HMGB1: variants seen among roughly 807,000 people sequenced by gnomAD.
HMGB1 encodes the protein high mobility group box 1.
For missense variants in HMGB1, 79 were observed against 253.5 expected (o/e 0.31, Z 4.67); for synonymous variants, 81 against 84.0 (o/e 0.96, Z 0.19).
At chr13:30,553,644 T>C in intron 1 of HMGB1, 1 of 678,848 alleles carries the variant, frequency 1.5e-6, no homozygotes, top group Non-Finnish European at 2.7e-6. Flanking sequence ...CTTCCATTTC[T>C]CTTAAGATTC....
At chr13:30,484,782 GAGGAGAGA>G (rs1299747892) in intron 1 of HMGB1, among the ~76,000 whole-genome samples, 1 of 151,722 alleles carries the variant, frequency 6.6e-6, no homozygotes, top group Non-Finnish European at 1.5e-5. Flanking sequence ...GAGGAGAGGA[GAGGAGAGA>G]AGAAGAGAAG....
rs772007958 is a variant in HMGB1 at position 30,461,411 on chromosome 13, CTCCTCA to C, written c.588_593del (p.Asp196_Glu197del). On this transcript the variant is annotated inframe_deletion, in exon 5 of 5. Coordinates refer to ENST00000341423, the MANE Select transcript of HMGB1 (RefSeq NM_002128.7). ...CTTCATCTTCTTCATCTTCCTCCTC[CTCCTCA>C]TCCTCTTCATCTTCCTCATCTTCCT... 75 of 1,590,260 alleles carry C rather than the reference CTCCTCA, an allele frequency of 4.7e-5. No homozygotes were observed. The highest frequency in any genetic ancestry group is 3.1e-4 in the East Asian group (14 of 44,728).
exon 1 of HMGB1, chr13:30,617,332 T>A (rs1351364769): frequency 6.6e-6 from 1 of 152,218 alleles, no homozygotes; most frequent in East Asian, 1.9e-4. Context: ...CCGTGTGTGA[T>A]GACCCTTTGT....
chr13:30,482,264 C>G (rs1887248356), intron 1 of HMGB1, among the ~76,000 whole-genome samples: 1 of 152,164 alleles, frequency 6.6e-6, no homozygotes, highest in Middle Eastern at 3.2e-3. Flanking sequence ...CTCCCTTTCT[C>G]TTTTCTCTTC....
chr13:30,477,868 T>C (rs932820820), intron 1 of HMGB1, among the ~76,000 whole-genome samples: 1 of 151,904 alleles, frequency 6.6e-6, no homozygotes, highest in African/African-American at 2.4e-5. Context: ...AAACACTGAG[T>C]GCCCAAAGCG....
At chr13:30,588,882 A>C (rs1477484180) in intron 1 of HMGB1, among the ~76,000 whole-genome samples, 1 of 151,906 alleles carries the variant, frequency 6.6e-6, no homozygotes, top group Non-Finnish European at 1.5e-5. Flanking sequence ...GCGCCACTGC[A>C]CTCCAGCCTG....
At chr13:30,532,277 G>A (rs980295252) in intron 1 of HMGB1, among the ~76,000 whole-genome samples, 3 of 148,734 alleles carry the variant, frequency 2.0e-5, no homozygotes, top group East Asian at 2.0e-4. Context: ...GGAGGTTGCC[G>A]TGAGCTGAGA....
chr13:30,512,019 T>C (rs1278814299), intron 1 of HMGB1, among the ~76,000 whole-genome samples: 1 of 151,908 alleles, frequency 6.6e-6, no homozygotes, highest in Non-Finnish European at 1.5e-5. Flanking sequence ...CCACACACCA[T>C]AGACATAATT....
chr13:30,584,820 T>C (rs1174647105), intron 1 of HMGB1, among the ~76,000 whole-genome samples: 1 of 152,316 alleles, frequency 6.6e-6, no homozygotes, highest in South Asian at 2.1e-4. Context: ...TATTTATCAC[T>C]AGACAGAATG....
Position 30,471,654 on chromosome 13 carries a change from CTTTTTTTTTTTTT to C in HMGB1, c.-14-7973_-14-7961del, listed in dbSNP as rs1171119586. ...ACAGGCATGAGCCACCGTGCCCGGC[CTTTTTTTTTTTTT>C]TTTTTTTTTTTTTTTTTTGAGATGG... On this transcript the variant is annotated intron_variant, in intron 1 of 4. Transcript: ENST00000405805. Among the ~76,000 whole-genome samples the C allele has an allele frequency of 8.7e-3, 266 of 30,610 alleles. 1 individual carries two copies. Among genetic ancestry groups the C allele is most frequent in the Non-Finnish European group, 0.012 (219 of 17,654 alleles). The allele number at this position is 30,610 out of a possible 152,430, so 20.1% of individuals were successfully genotyped here.
At chr13:30,613,772 A>G (rs1174862340) in intron 1 of HMGB1, among the ~76,000 whole-genome samples, 4 of 152,212 alleles carry the variant, frequency 2.6e-5, no homozygotes, top group Admixed American at 2.6e-4. Flanking sequence ...CATGGAGAAC[A>G]CATAAGTCAA....
upstream of HMGB1, among the ~76,000 whole-genome samples, chr13:30,470,071 C>A (rs150925706): frequency 6.1e-3 from 921 of 151,964 alleles, 8 homozygotes; most frequent in African/African-American, 0.021. Context: ...AACCACCGTG[C>A]CTGGTGCTGG....
chr13:30,463,731 AATT>A (rs1886507444), intron 1 of HMGB1, 37 bp from the exon 2 acceptor site: 2 of 1,358,062 alleles, frequency 1.5e-6, no homozygotes, highest in East Asian at 2.4e-5. Context: ...TTAGCAATAA[AATT>A]ATGACATATA....
chr13:30,478,755 C>T (rs1430699919), intron 1 of HMGB1, among the ~76,000 whole-genome samples: 1 of 152,194 alleles, frequency 6.6e-6, no homozygotes, highest in African/African-American at 2.4e-5. Flanking sequence ...CAGCCTCAAA[C>T]TCTTGGGCTC....
chr13:30,522,965 C>T (rs926981569), intron 1 of HMGB1, among the ~76,000 whole-genome samples: 1 of 152,174 alleles, frequency 6.6e-6, no homozygotes, highest in African/African-American at 2.4e-5. Context: ...CCACCCACCT[C>T]GGCCTCCCAA....
intron 1 of HMGB1, among the ~76,000 whole-genome samples, chr13:30,511,927 C>T (rs1593283819): frequency 7.3e-6 from 1 of 136,100 alleles, no homozygotes; most frequent in Admixed American, 8.1e-5. Context: ...CTGGTCTAAC[C>T]TCTCTGATTC....
intron 1 of HMGB1, among the ~76,000 whole-genome samples, chr13:30,584,793 T>C (rs906609403): frequency 6.6e-6 from 1 of 152,192 alleles, no homozygotes; most frequent in Admixed American, 6.5e-5. Context: ...ATTAACACAA[T>C]TTTATCTAGC....
At chr13:30,592,271 C>T (rs565805535) in intron 1 of HMGB1, among the ~76,000 whole-genome samples, 6 of 151,870 alleles carry the variant, frequency 4.0e-5, no homozygotes, top group Non-Finnish European at 8.8e-5. Context: ...AATATGAAAT[C>T]ACAGCTCCTT....
upstream of HMGB1, chr13:30,465,994 G>C (rs993315162): frequency 1.0e-6 from 1 of 979,790 alleles, no homozygotes; most frequent in Non-Finnish European, 1.2e-6. Context: ...CTCGCTCATT[G>C]GCCCGATACC....
Sources: gnomAD v4.1 joint callset for allele counts (sites outside exome capture counted in the v4.1 genomes callset) on GRCh38, gnomAD v4.1.1 for gene constraint, MANE v1.5 for transcripts, NCBI Gene and HGNC (gene_info 2026-07-23, HGNC 2026-07-21) for gene names.